KLB: variants seen among roughly 807,000 people sequenced by gnomAD.
KLB encodes klotho beta.
A neutral mutation model predicts 88.4 loss-of-function variants in KLB; 44 were observed. The observed-to-expected ratio is 0.50, with a 90% confidence interval of 0.39 to 0.64. The LOEUF (loss-of-function observed/expected upper bound fraction) is 0.64. KLB is among the 30% of genes least tolerant of loss of function. KLB has a pLI of 0.00. For missense variants in KLB, 1,137 were observed against 1,304.8 expected (o/e 0.87, Z 1.98); for synonymous variants, 548 against 513.4 (o/e 1.07, Z -0.91).
In KLB at chr4:39,446,747, C is replaced by G; in HGVS notation, c.2021C>G (p.Ala674Gly). 6.2e-7 allele frequency: 1 copy of G among 1,606,284 alleles called. No homozygotes were observed. The highest frequency in any genetic ancestry group is 1.1e-5 in the South Asian group (1 of 89,702). ...PSTAEAFQAY[A>G]GLCFQELGDL... ...ACGGCCGAGGCCTTCCAGGCCTACG[C>G]TGGGCTGTGCTTCCAGGAGCTGGGG... is the stretch of plus-strand genomic sequence containing the variant. The change falls in exon 4 of 5, where the codon GCT becomes GGT. Residue 674 changes from alanine (A) to glycine (G), a missense_variant. Physicochemically the swap from Ala to Gly is moderately conservative, Grantham distance 60. Transcript: ENST00000257408. This position sits in a 1 kb window ranked among gnomAD's most constrained non-coding sequence, Gnocchi z 6.4.
In KLB at chr4:39,450,288, TGTC is replaced by T. The variant is rs1743862050; in HGVS notation, c.*1603_*1605del. On this transcript the variant is annotated 3_prime_UTR_variant, in exon 5 of 5. Transcript: ENST00000257408. ...CCCACTGCATACATTAATTTGTCCT[TGTC>T]TGCTCACTCCAGCAATTTAGACCTT... The T allele has an allele frequency of 6.6e-6, 1 of 152,248 alleles. No individual in the cohort carries two copies. The highest frequency in any genetic ancestry group is 2.4e-5 in the African/African-American group (1 of 41,470). The allele number at this position is 152,248 out of a possible 1,614,324, so 9.4% of individuals were successfully genotyped here.
chr4:39,415,892 A>C (rs1742954109), intron 1 of KLB, among the ~76,000 whole-genome samples: 1 of 152,168 alleles, frequency 6.6e-6, no homozygotes, highest in South Asian at 2.1e-4. Flanking sequence ...CTTTTTCCTG[A>C]GCCTAGGATA....
chr4:39,409,649 C>G (rs185709412), intron 1 of KLB, among the ~76,000 whole-genome samples: 2 of 151,510 alleles, frequency 1.3e-5, no homozygotes, highest in African/African-American at 2.4e-5. Context: ...CAGATTGGGC[C>G]GGGCACAGTG....
In KLB at chr4:39,434,518, C is replaced by T; in HGVS notation, c.1134C>T (p.Asn378=). 1 of 1,614,182 alleles carries T rather than the reference C, an allele frequency of 6.2e-7. No homozygotes were observed. Among genetic ancestry groups the T allele is most frequent in the Non-Finnish European group, 8.5e-7 (1 of 1,180,032 alleles). The change falls in exon 2 of 5, where the codon AAC becomes AAT. Residue 378 remains asparagine (N), a synonymous_variant. Coordinates refer to ENST00000257408, the MANE Select transcript of KLB (RefSeq NM_175737.4). ...DFFAFSFGPN[N]FKPLNTMAKM... ...TTGCCTTTTCTTTTGGACCCAACAA[C>T]TTCAAGCCCCTAAACACCATGGCTA...
chr4:39,425,413 G>A (rs1472461742), intron 1 of KLB, among the ~76,000 whole-genome samples: 1 of 152,114 alleles, frequency 6.6e-6, no homozygotes, highest in Non-Finnish European at 1.5e-5. Context: ...TACAAACTGA[G>A]AATAATCAAT....
At chr4:39,435,127 T>C (rs1482887904) in intron 2 of KLB, among the ~76,000 whole-genome samples, 1 of 149,992 alleles carries the variant, frequency 6.7e-6, no homozygotes, top group Non-Finnish European at 1.5e-5. Context: ...TATTGTCCAA[T>C]ATTTTTTTTT....
At chr4:39,428,821 C>G (rs1378691483) in intron 1 of KLB, among the ~76,000 whole-genome samples, 1 of 152,178 alleles carries the variant, frequency 6.6e-6, no homozygotes, top group Non-Finnish European at 1.5e-5. Flanking sequence ...CATTCTCCTG[C>G]CTCAGCCTCC....
rs375585848 is a variant in KLB at position 39,446,826 on chromosome 4, C to A, written c.2100C>A (p.Ile700=). 6.2e-7 allele frequency: 1 copy of A among 1,612,828 alleles called. No individual in the cohort carries two copies. Among genetic ancestry groups the A allele is most frequent in the African/African-American group, 1.3e-5 (1 of 74,950 alleles). ...TINEPNRLSD[I]YNRSGNDTYG... ...ACGAGCCTAACCGGCTAAGTGACAT[C>A]TACAACCGCTCTGGCAACGACACCT... Residue 700 remains isoleucine (I), a synonymous_variant, in exon 4 of 5, where the codon ATC becomes ATA. Coordinates refer to ENST00000257408, the MANE Select transcript of KLB (RefSeq NM_175737.4). The surrounding 1 kb of genome is among the most constrained non-coding windows in gnomAD (Gnocchi z 6.4).
At chr4:39,419,859 G>A (rs1347690015) in intron 1 of KLB, among the ~76,000 whole-genome samples, 2 of 144,196 alleles carry the variant, frequency 1.4e-5, no homozygotes, top group Middle Eastern at 3.7e-3. Flanking sequence ...CAGGAGAATC[G>A]CTTGAACCTG....
At chr4:39,418,944 TAAAAAAA>T (rs35661811) in intron 1 of KLB, among the ~76,000 whole-genome samples, 3 of 116,896 alleles carry the variant, frequency 2.6e-5, no homozygotes, top group African/African-American at 3.5e-5. Flanking sequence ...ATGCCATCTC[TAAAAAAA>T]AAAAAAAAAA....
At chr4:39,432,635 A>G (rs537519947) in intron 1 of KLB, among the ~76,000 whole-genome samples, 5 of 152,088 alleles carry the variant, frequency 3.3e-5, no homozygotes, top group South Asian at 4.2e-4. Context: ...TGTGCCATCT[A>G]TCTCAGTCTC....
In KLB at chr4:39,407,748, T is replaced by A. The variant is rs1742761962; in HGVS notation, c.799T>A (p.Tyr267Asn). Residue 267 changes from tyrosine to asparagine, a missense_variant, in exon 1 of 5, where the codon TAC (tyrosine) becomes AAC (asparagine). By Grantham distance (143) the Tyr-to-Asn change is moderately radical (BLOSUM62 -2). Transcript: ENST00000257408. ...AGAGAAGGGAAATTTAGCAGCTGTC[T>A]ACACTGTGGGACACAACTTGATCAA... is the stretch of plus-strand genomic sequence containing the variant. ...PGEKGNLAAV[Y>N]TVGHNLIKAH... 6.2e-7 allele frequency: 1 copy of A among 1,600,496 alleles called. No homozygotes were observed. Among genetic ancestry groups the A allele is most frequent in the African/African-American group, 1.3e-5 (1 of 74,664 alleles).
chr4:39,424,867 G>A (rs988906166), intron 1 of KLB, among the ~76,000 whole-genome samples: 17 of 152,130 alleles, frequency 1.1e-4, no homozygotes, highest in Middle Eastern at 3.4e-3. Context: ...GACCTCAAGT[G>A]ATCCACCCGC....
chr4:39,421,614 G>A (rs1578204077), intron 1 of KLB, among the ~76,000 whole-genome samples: 1 of 152,142 alleles, frequency 6.6e-6, no homozygotes, highest in Admixed American at 6.5e-5. Flanking sequence ...ATTTAGCTGG[G>A]CATAGTAGCC....
In KLB at chr4:39,427,900, G is replaced by A. The variant is rs1348714103; in HGVS notation, c.826-6310G>A. On this transcript the variant is annotated intron_variant, in intron 1 of 4. Transcript: ENST00000257408. ...TTTGACAGTGAAATGATCTGTCCAAGATCGTAAAGCTGATGAGTCAGCAGA... is the reference window on the plus strand; with the variant it reads ...TTTGACAGTGAAATGATCTGTCCAAAATCGTAAAGCTGATGAGTCAGCAGA... 2.0e-4 allele frequency among the ~76,000 whole-genome samples: 31 copies of A among 152,192 alleles called. 1 individual carries two copies. Among genetic ancestry groups the A allele is most frequent in the Admixed American group, 2.0e-3 (31 of 15,272 alleles).
rs757573556 is a variant in KLB at position 39,446,314 on chromosome 4, T to C, written c.1606-18T>C. 1 of 1,606,492 alleles carries C rather than the reference T, an allele frequency of 6.2e-7. No individual in the cohort carries two copies. The highest frequency in any genetic ancestry group is 1.1e-5 in the South Asian group (1 of 90,296). On this transcript the variant is annotated intron_variant, in intron 3 of 4. Transcript: ENST00000257408. The surrounding 1 kb of genome is among the most constrained non-coding windows in gnomAD (Gnocchi z 6.4). ...TCTGCCAGCGCATGCTTGACCTAAA[T>C]GAGCTTGTTTTTCACAGCCCGAGTC...
intron 1 of KLB, among the ~76,000 whole-genome samples, chr4:39,420,024 G>C (rs768531372): frequency 6.6e-6 from 1 of 151,422 alleles, no homozygotes; most frequent in Non-Finnish European, 1.5e-5. Flanking sequence ...CAATTCTGTT[G>C]CTGAAAAGTA....
intron 1 of KLB, among the ~76,000 whole-genome samples, chr4:39,432,728 C>G (rs1743390308): frequency 6.6e-6 from 1 of 152,122 alleles, no homozygotes; most frequent in Non-Finnish European, 1.5e-5. Context: ...CATCACGAGG[C>G]TGTGTTGTAA....
At chr4:39,416,383 G>T (rs1032723973) in intron 1 of KLB, among the ~76,000 whole-genome samples, 1 of 151,984 alleles carries the variant, frequency 6.6e-6, no homozygotes, top group Non-Finnish European at 1.5e-5. Context: ...AAAAATAAAA[G>T]ACTTTTTCCA....
Sources: gnomAD v4.1 joint callset for allele counts (sites outside exome capture counted in the v4.1 genomes callset) on GRCh38, gnomAD v4.1.1 for gene constraint, Gnocchi (gnomAD v3.1) non-coding constraint, MANE v1.5 for transcripts, NCBI Gene and HGNC (gene_info 2026-07-23, HGNC 2026-07-21) for gene names.